The following LRCH3 variants were observed in gnomAD, a reference collection of about 807,000 sequenced individuals.
LRCH3 encodes DISP complex protein LRCH3.
LRCH3 carries 68 observed loss-of-function variants against 104.5 expected under a neutral mutation model. That is an observed-to-expected ratio of 0.65 (90% CI 0.54 to 0.80). The LOEUF is 0.80. Ranked by LOEUF, LRCH3 falls within the 30% of genes least tolerant of loss-of-function variation. LRCH3 has a pLI of 0.00. For missense variants in LRCH3, 951 were observed against 953.9 expected, an observed-to-expected ratio of 1.00 and a Z score of 0.04; for synonymous variants, 344 against 361.3, an observed-to-expected ratio of 0.95 and a Z score of 0.54.
intron 19 of LRCH3, among the ~76,000 whole-genome samples, chr3:197,874,663 G>C (rs1159225896): frequency 6.6e-6 from 1 of 152,128 alleles, no homozygotes; most frequent in East Asian, 1.9e-4. Context: ...GTGCCAAAAA[G>C]GTTGAGGACT....
At chr3:197,834,942 G>A (rs1193778285) in intron 8 of LRCH3, among the ~76,000 whole-genome samples, 4 of 152,094 alleles carry the variant, frequency 2.6e-5, no homozygotes, top group Non-Finnish European at 4.4e-5. Flanking sequence ...CCAGGAGTTG[G>A]AGACCAGCCT....
intron 1 of LRCH3, among the ~76,000 whole-genome samples, chr3:197,811,133 G>A (rs1470878575): frequency 6.6e-6 from 1 of 152,150 alleles, no homozygotes; most frequent in African/African-American, 2.4e-5. Flanking sequence ...CAGTGACTGC[G>A]CTGCCGTCTA....
chr3:197,809,768 T>TTTG (rs201594413), intron 1 of LRCH3, among the ~76,000 whole-genome samples: 1,542 of 152,190 alleles, frequency 0.01, 13 homozygotes, highest in African/African-American at 0.034. Flanking sequence ...CCTTCTGTTT[T>TTTG]TTGTTGTTGT....
intron 10 of LRCH3, among the ~76,000 whole-genome samples, chr3:197,839,638 A>G (rs1218129634): frequency 6.6e-6 from 1 of 152,202 alleles, no homozygotes; most frequent in Non-Finnish European, 1.5e-5. Flanking sequence ...CTTAGTAGCA[A>G]TGAGATTTTG....
chr3:197,808,775 A>G (rs977223040), intron 1 of LRCH3, among the ~76,000 whole-genome samples: 14 of 152,060 alleles, frequency 9.2e-5, no homozygotes, highest in Non-Finnish European at 1.6e-4. Context: ...ATGGTGGCAC[A>G]TGCCTGTAGT....
intron 14 of LRCH3, 78 bp from the exon 15 acceptor site, chr3:197,858,756 C>T: frequency 8.9e-7 from 1 of 1,123,338 alleles, no homozygotes. Flanking sequence ...TCTCATTTCA[C>T]TAGTCAGATC....
intron 1 of LRCH3, 100 bp from the exon 2 acceptor site, chr3:197,814,808 G>T (rs1733620314): frequency 9.8e-7 from 1 of 1,015,820 alleles, no homozygotes; most frequent in African/African-American, 1.7e-5. Flanking sequence ...TACTTTTAAA[G>T]AATAATAGTT....
rs980157793 is a variant in LRCH3, at chr3:197,885,141, C to G, written c.*1475C>G. ...TATACAGAGTTTCCAAATTCTGAAG[C>G]TGATAGCGCACTTGGTCTCACTGAG... On this transcript the variant is annotated 3_prime_UTR_variant, in exon 21 of 21. Coordinates refer to ENST00000425562, the MANE Select transcript of LRCH3 (RefSeq NM_001365715.1). The G allele has an allele frequency of 9.8e-5, 15 of 152,286 alleles. No individual in the cohort carries two copies. The highest frequency in any genetic ancestry group is 3.6e-4 in the African/African-American group (15 of 41,460). 9.4% of individuals were successfully genotyped at this position (152,286 alleles called of 1,614,324 possible). A position where few individuals can be genotyped will look rare whatever the true frequency, so the allele number is the denominator to read the frequency against.
chr3:197,799,595 G>GTAATCCT (rs1731640046), intron 1 of LRCH3, among the ~76,000 whole-genome samples: 1 of 152,086 alleles, frequency 6.6e-6, no homozygotes. Context: ...GGCTAGGCGC[G>GTAATCCT]GTGGCTCATG....
chr3:197,830,107 T>C (rs1735730362), intron 6 of LRCH3, among the ~76,000 whole-genome samples: 1 of 152,226 alleles, frequency 6.6e-6, no homozygotes, highest in South Asian at 2.1e-4. Context: ...TCCTACTTTT[T>C]GAGTTTCATT....
chr3:197,847,302 G>T, intron 10 of LRCH3, 107 bp from the exon 11 acceptor site: 1 of 1,046,244 alleles, frequency 9.6e-7, no homozygotes, highest in South Asian at 1.6e-5. Context: ...GTTTGCTACT[G>T]ATTAATAGAA....
intron 20 of LRCH3, chr3:197,882,791 C>T (rs1713899024): frequency 1.0e-6 from 1 of 985,226 alleles, no homozygotes; most frequent in Non-Finnish European, 1.2e-6. Context: ...ACACTTCTCA[C>T]ATGTTGGTAA....
intron 15 of LRCH3, 71 bp downstream of exon 15, chr3:197,858,976 T>C: frequency 9.3e-7 from 1 of 1,075,592 alleles, no homozygotes. Flanking sequence ...AATTTTTTGG[T>C]GAATTGATCT....
Position 197,816,195 on chromosome 3 carries a change from G to A in LRCH3, c.408-981G>A, listed in dbSNP as rs554489368. On this transcript the variant is annotated intron_variant, in intron 2 of 20. Transcript: ENST00000425562. The stretch of plus-strand genomic sequence containing the variant: ...CTCAGTAAAAGATCTTACAAATGGG[G>A]AGGGAATTGGTCCTAAGGAATAAGA... Among the ~76,000 whole-genome samples the A allele has an allele frequency of 1.4e-3, 210 of 152,282 alleles. 1 individual carries two copies. Among genetic ancestry groups the A allele is most frequent in the African/African-American group, 4.8e-3 (200 of 41,554 alleles).
At chr3:197,863,159 T>C (rs1281500940) in intron 15 of LRCH3, among the ~76,000 whole-genome samples, 1 of 152,208 alleles carries the variant, frequency 6.6e-6, no homozygotes, top group Non-Finnish European at 1.5e-5. Context: ...TGTCCAGAAA[T>C]GTGCCTTAGT....
intron 19 of LRCH3, among the ~76,000 whole-genome samples, chr3:197,873,551 T>C (rs912780638): frequency 6.6e-6 from 1 of 152,110 alleles, no homozygotes; most frequent in Admixed American, 6.5e-5. Flanking sequence ...AAGACCAGCC[T>C]GGGCAATATA....
chr3:197,872,365 A>G (rs1480879758), intron 19 of LRCH3, among the ~76,000 whole-genome samples: 2 of 149,772 alleles, frequency 1.3e-5, no homozygotes, highest in East Asian at 1.9e-4. Flanking sequence ...TCAAAGAAAA[A>G]AAAAAAAAAA....
intron 10 of LRCH3, among the ~76,000 whole-genome samples, chr3:197,846,622 A>G (rs544061215): frequency 1.3e-5 from 2 of 151,070 alleles, no homozygotes; most frequent in East Asian, 1.9e-4. Context: ...GCAGTGAGCC[A>G]TGATGATGGG....
intron 12 of LRCH3, 97 bp downstream of exon 12, chr3:197,848,118 A>G (rs980811696): frequency 1.2e-5 from 15 of 1,236,814 alleles, no homozygotes; most frequent in Non-Finnish European, 1.6e-5. Flanking sequence ...TAAAATGTCG[A>G]CCATTTTTCT....
Sources: gnomAD v4.1 joint callset for allele counts (sites outside exome capture counted in the v4.1 genomes callset) on GRCh38, gnomAD v4.1.1 for gene constraint, MANE v1.5 for transcripts, NCBI Gene and HGNC (gene_info 2026-07-23, HGNC 2026-07-21) for gene names.